Variants in ZBED6 observed in about 807,000 individuals in gnomAD.
ZBED6 encodes the protein zinc finger BED domain-containing protein 6.
In ZBED6, 40 loss-of-function variants were observed where a neutral mutation model predicts 58.4. The ratio of observed to expected loss-of-function variants is 0.68; its 90% confidence interval spans 0.53 to 0.89. The LOEUF is 0.89. Ranked by LOEUF, ZBED6 falls within the 40% of genes least tolerant of loss-of-function variation. The probability of loss-of-function intolerance (pLI) is 0.00; values close to 1 mark genes in which losing one functional copy is unlikely to be tolerated. For synonymous variants in ZBED6, 439 were observed against 350.6 expected (o/e 1.25, Z -2.82); for missense variants, 1,057 against 1,003.9 (o/e 1.05, Z -0.71).
At chr1:203,829,337 A>G (rs1336796177) in intron 4 of ZBED6, 114 bp from the exon 5 acceptor site, 6 of 1,049,318 alleles carry the variant, frequency 5.7e-6, no homozygotes, top group Non-Finnish European at 8.4e-6. Context: ...GAGGAAATTT[A>G]GTATAAATGC....
exon 17 of ZBED6, chr1:203,852,767 A>G (rs1689564728): frequency 3.8e-6 from 1 of 265,886 alleles, no homozygotes. Context: ...TTCTTTATGT[A>G]TTGTCTTGAT....
chr1:203,851,989 AAAAAAAG>A, intron 16 of ZBED6, 145 bp from the exon 17 acceptor site: 4 of 763,424 alleles, frequency 5.2e-6, no homozygotes, highest in South Asian at 4.2e-5. Context: ...AAAAAAAAAA[AAAAAAAG>A]CTTGATCCCA....
intron 15 of ZBED6, 136 bp from the exon 16 acceptor site, chr1:203,850,921 C>T (rs2103462516): frequency 1.6e-6 from 2 of 1,239,984 alleles, no homozygotes; most frequent in South Asian, 2.8e-5. Context: ...TATACTCAAC[C>T]TTTAGATTAT....
intron 1 of ZBED6, among the ~76,000 whole-genome samples, chr1:203,813,408 G>A (rs1020648265): frequency 2.0e-5 from 3 of 151,766 alleles, no homozygotes; most frequent in Non-Finnish European, 2.9e-5. Context: ...CAATTTATTG[G>A]TTTTCTTTTG....
At chr1:203,826,675 T>C (rs2102971161) in intron 3 of ZBED6, among the ~76,000 whole-genome samples, 1 of 152,322 alleles carries the variant, frequency 6.6e-6, no homozygotes, top group Middle Eastern at 3.4e-3. Flanking sequence ...CTCTTCTCCA[T>C]ATTCTTAAAT....
At chr1:203,831,107 G>A (rs1682198790) in intron 7 of ZBED6, among the ~76,000 whole-genome samples, 2 of 151,628 alleles carry the variant, frequency 1.3e-5, no homozygotes, top group South Asian at 2.1e-4. Context: ...ACCACGCCTG[G>A]GTAATTTTGT....
chr1:203,844,500 T>C (rs1687349314), intron 11 of ZBED6, among the ~76,000 whole-genome samples: 1 of 152,228 alleles, frequency 6.6e-6, no homozygotes, highest in Admixed American at 6.5e-5. Context: ...AATCTTTATT[T>C]TTATTTTTAA....
Position 203,797,765 on chromosome 1 carries a change from T to C in ZBED6, c.243T>C (p.Leu81=), listed in dbSNP as rs191911955. 218 of 1,535,670 alleles carry C rather than the reference T, an allele frequency of 1.4e-4. 1 individual carries two copies. The East Asian group carries it at 3.1e-3, about 22-fold the overall frequency. Reference sequence around the variant, plus strand: ...AAAGGCGTCGAAAAAAATTGATTCTTGCCAAAAAGTTTAGTAAGGATTTGG... The same window carrying C: ...AAAGGCGTCGAAAAAAATTGATTCTCGCCAAAAAGTTTAGTAAGGATTTGG... The change falls in exon 1 of 17, where the codon CTT becomes CTC. Residue 81 remains leucine, a synonymous_variant. Coordinates refer to ENST00000550078, the Ensembl canonical transcript of ZBED6.
intron 3 of ZBED6, among the ~76,000 whole-genome samples, chr1:203,821,295 CTG>C (rs1678600861): frequency 6.6e-6 from 1 of 152,136 alleles, no homozygotes; most frequent in Admixed American, 6.6e-5. Context: ...CCATGCAGAA[CTG>C]TGAGTTAGTT....
chr1:203,802,057 G>T (rs1670683573), exon 1 of ZBED6: 2 of 152,548 alleles, frequency 1.3e-5, no homozygotes, highest in African/African-American at 4.8e-5. Flanking sequence ...TTTTCCCTTA[G>T]ATAAAGCTTT....
At chr1:203,836,599 A>G (rs1388726233) in intron 9 of ZBED6, among the ~76,000 whole-genome samples, 1 of 152,166 alleles carries the variant, frequency 6.6e-6, no homozygotes, top group East Asian at 1.9e-4. Flanking sequence ...CATCTCTACT[A>G]CAAAAAAGTC....
intron 3 of ZBED6, among the ~76,000 whole-genome samples, chr1:203,825,544 C>T (rs1194022544): frequency 6.7e-6 from 1 of 148,934 alleles, no homozygotes; most frequent in Non-Finnish European, 1.5e-5. Flanking sequence ...AAGTGATTCT[C>T]CTGTCTCAGC....
rs1290361928 is a variant in ZBED6, at chr1:203,821,926, T to A, written c.*2873+3237T>A. Among the ~76,000 whole-genome samples the A allele has an allele frequency of 2.0e-5, 3 of 151,984 alleles. No individual in the cohort carries two copies. In the East Asian group the frequency reaches 5.8e-4, roughly 29 times the overall value. ...GTGCCCGCCACCACGCCCGGCTAAT[T>A]TTTTGTACTTTTAGTAGAGATGGGG... On this transcript the variant is annotated intron_variant, in intron 3 of 16. Transcript: ENST00000550078.
exon 1 of ZBED6, chr1:203,802,575 A>C (rs1329860894): frequency 6.6e-6 from 1 of 152,296 alleles, no homozygotes; most frequent in African/African-American, 2.4e-5. Flanking sequence ...ATAGGTGAAG[A>C]AATCTTGAAG....
At chr1:203,803,617 G>T (rs559713167) in intron 1 of ZBED6, among the ~76,000 whole-genome samples, 1 of 151,970 alleles carries the variant, frequency 6.6e-6, no homozygotes, top group Non-Finnish European at 1.5e-5. Context: ...ATTTTGTTTC[G>T]TTTTGAAACA....
At chr1:203,820,466 T>TTGTGTGTGTGTGTGTG (rs144962991) in intron 3 of ZBED6, among the ~76,000 whole-genome samples, 4,094 of 136,442 alleles carry the variant, frequency 0.03, 97 homozygotes, top group Admixed American at 0.074. Context: ...ATATCACAAA[T>TTGTGTGTGTGTGTGTG]TATGTGTGTG....
intron 13 of ZBED6, 105 bp downstream of exon 13, chr1:203,848,512 G>A: frequency 1.3e-6 from 1 of 771,312 alleles, no homozygotes; most frequent in Non-Finnish European, 2.1e-6. Flanking sequence ...CATATATTAG[G>A]TAAACAGTCT....
Position 203,797,584 on chromosome 1 carries a change from CT to C in ZBED6, c.66del (p.Phe22LeufsTer22). 6.5e-7 allele frequency: 1 copy of C among 1,534,128 alleles called. No individual in the cohort carries two copies. Among genetic ancestry groups the C allele is most frequent in the Non-Finnish European group, 8.7e-7 (1 of 1,146,440 alleles). On this transcript the variant is annotated frameshift_variant, in exon 1 of 17. Coordinates refer to ENST00000550078, the Ensembl canonical transcript of ZBED6. LOFTEE classifies it high-confidence loss of function. The stretch of plus-strand genomic sequence containing the variant: ...CTCTCTCCTGGCAGAAGATGCAACA[CT>C]TTTAGTGATTCTGGGATTCTGGGAT...
At chr1:203,852,231 C>T (rs763863566) in exon 17 of ZBED6, 1 of 1,613,562 alleles carries the variant, frequency 6.2e-7, no homozygotes, top group Non-Finnish European at 8.5e-7. Context: ...TGAAAACTCG[C>T]CGACTCAGCT....
Sources: allele counts gnomAD v4.1 joint callset (sites outside exome capture counted in the v4.1 genomes callset), GRCh38; gene constraint gnomAD v4.1.1; transcripts MANE v1.5; gene names NCBI Gene and HGNC (gene_info 2026-07-23, HGNC 2026-07-21).